USP1: variants seen among roughly 807,000 people sequenced by gnomAD.
USP1 encodes the protein ubiquitin carboxyl-terminal hydrolase 1.
USP1 carries 18 observed loss-of-function variants against 72.2 expected under a neutral mutation model. The ratio of observed to expected loss-of-function variants is 0.25; its 90% CI spans 0.17 to 0.37. The LOEUF is 0.37. USP1 is among the 10% of genes least tolerant of loss of function. USP1 has a pLI of 1.00. For synonymous variants in USP1, 354 were observed against 303.7 expected, an observed-to-expected ratio of 1.17 and a Z score of -1.72; for missense variants, 759 against 884.9, an observed-to-expected ratio of 0.86 and a Z score of 1.81.
In USP1 at chr1:62,439,882, A is replaced by AC. The variant is rs751826606; in HGVS notation, c.17dup (p.Ser7Ter). Reference sequence around the variant, plus strand: ...TGAAGAAAAAAATGCCTGGTGTCATACCTAGTGAAAGTAATGGACTTTCAA... The same window carrying AC: ...TGAAGAAAAAAATGCCTGGTGTCATACCCTAGTGAAAGTAATGGACTTTCAA... On this transcript the variant is annotated frameshift_variant, in exon 2 of 9. Transcript: ENST00000339950. LOFTEE classifies it high-confidence loss of function. 1 of 1,487,062 alleles carries AC rather than the reference A, an allele frequency of 6.7e-7. No individual in the cohort carries two copies. Among genetic ancestry groups the AC allele is most frequent in the Non-Finnish European group, 8.9e-7 (1 of 1,121,152 alleles). The allele number at this position is 1,487,062 out of a possible 1,614,324, so 92.1% of individuals were successfully genotyped here.
intron 5 of USP1, among the ~76,000 whole-genome samples, chr1:62,443,550 TA>T: frequency 6.6e-6 from 1 of 152,348 alleles, no homozygotes; most frequent in East Asian, 1.9e-4. Context: ...CATTCATATT[TA>T]TCTCTAACGT....
chr1:62,442,313 A>G lies in USP1; in HGVS notation c.396+14A>G, dbSNP rs1156462871. The stretch of plus-strand genomic sequence containing the variant: ...CAAAAAGACAAGGTAAGAAAAATAA[A>G]GAACAGAAAATAATGTAAAAAGCAA... On this transcript the variant is annotated intron_variant, in intron 4 of 8. Transcript: ENST00000339950. 5.2e-6 allele frequency: 8 copies of G among 1,550,254 alleles called. No individual in the cohort carries two copies. The Admixed American group carries it at 5.8e-5, about 11-fold the overall frequency.
intron 4 of USP1, among the ~76,000 whole-genome samples, chr1:62,442,945 T>C (rs996536649): frequency 1.7e-4 from 26 of 152,106 alleles, no homozygotes; most frequent in African/African-American, 6.3e-4. Flanking sequence ...GAGGCTCCAG[T>C]GAGCCGCGAT....
chr1:62,447,583 A>G (rs1264566222), intron 7 of USP1, 72 bp downstream of exon 7: 7 of 1,511,322 alleles, frequency 4.6e-6, no homozygotes, highest in Non-Finnish European at 6.2e-6. Context: ...AAAGTTTAAT[A>G]GTAGCTGGTG....
At chr1:62,437,781 G>A (rs1272010001) in intron 1 of USP1, among the ~76,000 whole-genome samples, 7 of 152,220 alleles carry the variant, frequency 4.6e-5, no homozygotes, top group Admixed American at 3.9e-4. Context: ...GCCCTGTGTC[G>A]GTAATTGCGA....
chr1:62,439,081 A>G (rs1338047602), intron 1 of USP1, among the ~76,000 whole-genome samples: 1 of 152,244 alleles, frequency 6.6e-6, no homozygotes, highest in African/African-American at 2.4e-5. Context: ...CTCATCGTCC[A>G]GCACTACTTT....
chr1:62,441,705 A>G, intron 3 of USP1, 97 bp downstream of exon 3: 1 of 1,367,282 alleles, frequency 7.3e-7, no homozygotes, highest in Non-Finnish European at 9.8e-7. Context: ...TAATGTCCAT[A>G]CTGTCTTTGC....
At chr1:62,440,066 A>T (rs759025975) in intron 2 of USP1, 29 bp downstream of exon 2, 2 of 1,398,996 alleles carry the variant, frequency 1.4e-6, no homozygotes, top group East Asian at 2.7e-5. Context: ...TGTACTTTAA[A>T]AATTCTACAG....
chr1:62,451,659 A>G lies in USP1; in HGVS notation c.*678A>G, dbSNP rs1011456756. ...ATTCTGCACGATCTGTATATAGTAC[A>G]TCAAACTTAGAGGTGTGACCTTAAA... On this transcript the variant is annotated 3_prime_UTR_variant, in exon 9 of 9. Transcript: ENST00000339950. 1 of 152,696 alleles carries G rather than the reference A, an allele frequency of 6.5e-6. No individual in the cohort carries two copies. The highest frequency in any genetic ancestry group is 6.5e-5 in the Admixed American group (1 of 15,280). The allele number at this position is 152,696 out of a possible 1,614,324, so 9.5% of individuals were successfully genotyped here.
At position 62,439,846 on chromosome 1, in the gene USP1, T is replaced by A. The variant is rs1645120214; in HGVS notation, c.-22T>A. 7.3e-7 allele frequency: 1 copy of A among 1,378,366 alleles called. No homozygotes were observed. Among genetic ancestry groups the A allele is most frequent in the Non-Finnish European group, 9.5e-7 (1 of 1,057,488 alleles). The allele number at this position is 1,378,366 out of a possible 1,614,324, so 85.4% of individuals were successfully genotyped here. ...TCCTCTATAAATTAACTCTTGACAC[T>A]CCTTGGGATTTGAAGAAAAAAATGC... On this transcript the variant is annotated 5_prime_UTR_variant, in exon 2 of 9. Transcript: ENST00000339950.
At chr1:62,444,418 T>C (rs1645155704) in intron 5 of USP1, among the ~76,000 whole-genome samples, 1 of 152,148 alleles carries the variant, frequency 6.6e-6, no homozygotes, top group Non-Finnish European at 1.5e-5. Flanking sequence ...TAATAGTACC[T>C]CATAGGGTTA....
At chr1:62,440,712 T>C (rs182375198) in intron 2 of USP1, among the ~76,000 whole-genome samples, 3 of 152,262 alleles carry the variant, frequency 2.0e-5, no homozygotes, top group Non-Finnish European at 4.4e-5. Context: ...GAGTGAAGCT[T>C]TTGTTTATCA....
intron 2 of USP1, among the ~76,000 whole-genome samples, chr1:62,440,381 A>G (rs551035281): frequency 6.7e-6 from 1 of 150,044 alleles, no homozygotes; most frequent in East Asian, 1.9e-4. Flanking sequence ...ATATATATAT[A>G]TATTTGTTTG....
Position 62,438,696 on chromosome 1 carries a change from C to A in USP1, c.-69-1103C>A, listed in dbSNP as rs558066886. ...TGTAGAAAATATTAACTCCTACACT[C>A]CTACAAATGTTGCCATTTTTTTTCA... On this transcript the variant is annotated intron_variant, in intron 1 of 8. Coordinates refer to ENST00000339950, the MANE Select transcript of USP1 (RefSeq NM_003368.5). Among the ~76,000 whole-genome samples, 5 of 149,238 alleles carry A rather than the reference C, an allele frequency of 3.4e-5. No homozygotes were observed. In the East Asian group the frequency reaches 9.7e-4, roughly 29 times the overall value.
In USP1 at chr1:62,450,154, C is replaced by T. The variant is rs1016196876; in HGVS notation, c.1623-92C>T. ...ATATGAACACTGGATATTAAGGGTT[C>T]ATTCAGATTTTTACTTGGTTTCAGA... On this transcript the variant is annotated intron_variant, in intron 8 of 8. Coordinates refer to ENST00000339950, the MANE Select transcript of USP1 (RefSeq NM_003368.5). The T allele has an allele frequency of 2.7e-6, 4 of 1,467,874 alleles. No homozygotes were observed. The Admixed American group carries it at 9.3e-5, about 34-fold the overall frequency. 90.9% of individuals were successfully genotyped at this position (1,467,874 alleles called of 1,614,324 possible).
chr1:62,450,550 G>A lies in USP1; in HGVS notation c.1927G>A (p.Glu643Lys). 1 of 1,613,894 alleles carries A rather than the reference G, an allele frequency of 6.2e-7. No homozygotes were observed. Among genetic ancestry groups the A allele is most frequent in the Non-Finnish European group, 8.5e-7 (1 of 1,180,006 alleles). The stretch of plus-strand genomic sequence containing the variant: ...TGTGGTTGAGAATTATAATGATGAA[G>A]AAGTGTCAATTAGAGTTGGTGGAAA... ...RGVVENYNDE[E>K]VSIRVGGNTQ... is the part of the protein sequence containing the mutation. The change falls in exon 9 of 9, where the codon GAA becomes AAA. Residue 643 changes from glutamate to lysine, a missense_variant. By Grantham distance (56) the Glu-to-Lys change is moderately conservative. Transcript: ENST00000339950.
intron 5 of USP1, 93 bp downstream of exon 5, chr1:62,443,412 C>A: frequency 1.5e-6 from 2 of 1,290,630 alleles, no homozygotes; most frequent in Non-Finnish European, 1.0e-6. Context: ...GAATAAAGGG[C>A]AAGGAAAGTA....
At chr1:62,443,076 A>G in intron 4 of USP1, 83 bp from the exon 5 acceptor site, 1 of 1,404,410 alleles carries the variant, frequency 7.1e-7, no homozygotes, top group Non-Finnish European at 9.7e-7. Flanking sequence ...AAAATCTAGT[A>G]TTCTTAAGTG....
At chr1:62,447,918 C>T (rs1164615440) in intron 7 of USP1, among the ~76,000 whole-genome samples, 1 of 152,126 alleles carries the variant, frequency 6.6e-6, no homozygotes, top group Non-Finnish European at 1.5e-5. Flanking sequence ...TCCTGAGTAG[C>T]TGGGACTGCA....
Sources: gnomAD v4.1 joint callset for allele counts (sites outside exome capture counted in the v4.1 genomes callset) on GRCh38, gnomAD v4.1.1 for gene constraint, MANE v1.5 for transcripts, NCBI Gene and HGNC (gene_info 2026-07-23, HGNC 2026-07-21) for gene names.